EPB41: variants seen among roughly 807,000 people sequenced by gnomAD.
EPB41 encodes erythrocyte membrane protein band 4.1, also known as protein 4.1.
In EPB41, 65 loss-of-function variants were observed where a neutral mutation model predicts 108.0. That is an observed-to-expected ratio of 0.60 (90% CI 0.49 to 0.74). EPB41 has a LOEUF of 0.74. Ranked by LOEUF, EPB41 falls within the 30% of genes least tolerant of loss-of-function variation. EPB41 has a pLI of 0.00. For missense variants in EPB41, 875 were observed against 1,037.0 expected, an observed-to-expected ratio of 0.84 and a Z score of 2.15; for synonymous variants, 336 against 358.9, an observed-to-expected ratio of 0.94 and a Z score of 0.72.
At chr1:28,954,880 A>G (rs2149028786) in intron 1 of EPB41, among the ~76,000 whole-genome samples, 1 of 152,336 alleles carries the variant, frequency 6.6e-6, no homozygotes, top group African/African-American at 2.4e-5. Context: ...TTCGTGTGAT[A>G]CGAGTTATAA....
In EPB41 at chr1:28,890,684, C is replaced by T. The variant is rs563428399; in HGVS notation, c.-8+3474C>T. The stretch of plus-strand genomic sequence containing the variant: ...AGCATTCTGTTCTAAGCCTTTAATA[C>T]GCTGCATTAACTCATTCAATCCTTA... On this transcript the variant is annotated intron_variant, in intron 1 of 16. Transcript: ENST00000347529. 5.3e-5 allele frequency among the ~76,000 whole-genome samples: 8 copies of T among 152,306 alleles called. No individual in the cohort carries two copies. In the South Asian group the frequency reaches 8.3e-4, roughly 16 times the overall value.
At chr1:29,044,343 A>G (rs1218057068) in intron 11 of EPB41, among the ~76,000 whole-genome samples, 3 of 152,216 alleles carry the variant, frequency 2.0e-5, no homozygotes, top group Non-Finnish European at 4.4e-5. Flanking sequence ...TATAGATACT[A>G]TGCCTGATGT....
At chr1:29,056,819 C>T (rs554038715) in intron 12 of EPB41, among the ~76,000 whole-genome samples, 1 of 152,098 alleles carries the variant, frequency 6.6e-6, no homozygotes, top group South Asian at 2.1e-4. Flanking sequence ...AGCCACCGTA[C>T]CCGGCTGGCC....
chr1:28,915,849 G>A (rs560518961), intron 1 of EPB41, among the ~76,000 whole-genome samples: 1 of 147,956 alleles, frequency 6.8e-6, no homozygotes, highest in Non-Finnish European at 1.5e-5. Context: ...TATTATTATA[G>A]TGGATTTATA....
chr1:29,033,155 T>C lies in EPB41; in HGVS notation c.1275T>C (p.Asp425=). The change falls in exon 9 of 21, where the codon GAT becomes GAC. Residue 425 remains aspartate, a synonymous_variant. Coordinates refer to ENST00000343067, the MANE Select transcript of EPB41 (RefSeq NM_001376013.1). ...CTAGTGGCCTTCTGGTTTACAAAGA[T>C]AAGCTGAGAATTAACCGCTTCCCTT... ...VCSSGLLVYK[D]KLRINRFPWP... is the part of the protein sequence containing the mutation. The C allele has an allele frequency of 6.2e-7, 1 of 1,614,000 alleles. No individual in the cohort carries two copies. The highest frequency in any genetic ancestry group is 1.1e-5 in the South Asian group (1 of 91,068).
rs962067440 is a variant in EPB41, at chr1:29,065,123, C to A, written c.2149C>A (p.Leu717Ile). 3.1e-6 allele frequency: 5 copies of A among 1,610,528 alleles called. No individual in the cohort carries two copies. The highest frequency in any genetic ancestry group is 4.2e-6 in the Non-Finnish European group (5 of 1,177,380). Residue 717 changes from leucine to isoleucine, a missense_variant, in exon 16 of 21, where the codon CTT becomes ATT. By Grantham distance (5) the Leu-to-Ile change is conservative. Transcript: ENST00000343067. ...RLSTHSPFRT[L>I]NINGQIPTGE... Reference sequence around the variant, plus strand: ...ATCCACTCACTCACCCTTCCGAACTCTTAACATCAATGGGCAAATCCCCAC... The same window carrying A: ...ATCCACTCACTCACCCTTCCGAACTATTAACATCAATGGGCAAATCCCCAC...
intron 16 of EPB41, among the ~76,000 whole-genome samples, chr1:29,086,105 C>G (rs1573747758): frequency 6.6e-6 from 1 of 152,036 alleles, no homozygotes; most frequent in Admixed American, 6.5e-5. Context: ...CATTTCACTA[C>G]TGAAACCAGA....
chr1:29,060,533 G>A lies in EPB41; in HGVS notation c.2007+49G>A, dbSNP rs371698094. 2.0e-3 allele frequency: 3,009 copies of A among 1,511,426 alleles called. 7 individuals are homozygous for A. Among genetic ancestry groups the A allele is most frequent in the Middle Eastern group, 9.0e-3 (53 of 5,866 alleles). 93.6% of individuals were successfully genotyped at this position (1,511,426 alleles called of 1,614,324 possible). ...TTCAGTTGGTTGCCTGGAACCTTCT[G>A]CATTCTTTGCTGATCCCCTTTTCTT... On this transcript the variant is annotated intron_variant, in intron 15 of 20. Coordinates refer to ENST00000343067, the MANE Select transcript of EPB41 (RefSeq NM_001376013.1).
At chr1:29,014,342 A>G (rs1184883480) in intron 5 of EPB41, among the ~76,000 whole-genome samples, 2 of 152,100 alleles carry the variant, frequency 1.3e-5, no homozygotes, top group Non-Finnish European at 2.9e-5. Flanking sequence ...AAATAAATAA[A>G]TAAAAATTAC....
intron 1 of EPB41, among the ~76,000 whole-genome samples, chr1:28,950,228 T>C (rs1404096990): frequency 6.6e-6 from 1 of 152,196 alleles, no homozygotes; most frequent in East Asian, 1.9e-4. Context: ...ATGATAGCAT[T>C]TAATTTAATA....
chr1:28,919,865 C>CT (rs1402981873), intron 1 of EPB41, among the ~76,000 whole-genome samples: 1 of 152,102 alleles, frequency 6.6e-6, no homozygotes, highest in Non-Finnish European at 1.5e-5. Context: ...GAGCAGTTCT[C>CT]TTTTTTGCAA....
At chr1:28,916,185 G>C (rs1276211891) in intron 1 of EPB41, among the ~76,000 whole-genome samples, 2 of 152,126 alleles carry the variant, frequency 1.3e-5, no homozygotes, top group African/African-American at 4.8e-5. Context: ...TCAATAAATG[G>C]CAGATTCAAA....
intron 16 of EPB41, among the ~76,000 whole-genome samples, chr1:29,081,835 CAA>C (rs34188995): frequency 3.2e-5 from 4 of 126,360 alleles, no homozygotes; most frequent in African/African-American, 6.4e-5. Flanking sequence ...AACTCTGTCT[CAA>C]AAAAAAAAAA....
At chr1:28,979,063 A>G (rs1366618857) in intron 1 of EPB41, among the ~76,000 whole-genome samples, 1 of 151,434 alleles carries the variant, frequency 6.6e-6, no homozygotes, top group Non-Finnish European at 1.5e-5. Context: ...AACCCTGACT[A>G]ATACAGATTT....
At chr1:28,900,859 A>C (rs919125934) in intron 1 of EPB41, among the ~76,000 whole-genome samples, 2 of 152,168 alleles carry the variant, frequency 1.3e-5, no homozygotes, top group African/African-American at 4.8e-5. Context: ...ACACTTTTGT[A>C]GCTTGTTCTC....
intron 1 of EPB41, among the ~76,000 whole-genome samples, chr1:28,919,171 C>T (rs1458618772): frequency 6.6e-6 from 1 of 152,074 alleles, no homozygotes; most frequent in Non-Finnish European, 1.5e-5. Context: ...TGGGAAAATC[C>T]GATTATGATG....
chr1:28,925,833 CG>C (rs1476017438), intron 1 of EPB41, among the ~76,000 whole-genome samples: 1 of 151,964 alleles, frequency 6.6e-6, no homozygotes, highest in East Asian at 1.9e-4. Flanking sequence ...TATTTGGAGA[CG>C]GGAGTTCTTG....
In EPB41 at chr1:29,078,779, C is replaced by T. The variant is rs1373329234; in HGVS notation, c.2184+13621C>T. 4.6e-5 allele frequency among the ~76,000 whole-genome samples: 7 copies of T among 152,090 alleles called. No individual in the cohort carries two copies. In the South Asian group the frequency reaches 1.4e-3, roughly 32 times the overall value. ...ATAAATAATAAAATATGTACTGTAA[C>T]CACCACAGCACCCCGTTTCTGCCAG... On this transcript the variant is annotated intron_variant, in intron 16 of 20. Coordinates refer to ENST00000343067, the MANE Select transcript of EPB41 (RefSeq NM_001376013.1).
At chr1:28,976,785 G>A (rs1022177759) in intron 1 of EPB41, among the ~76,000 whole-genome samples, 9 of 152,056 alleles carry the variant, frequency 5.9e-5, no homozygotes, top group African/African-American at 2.2e-4. Flanking sequence ...CTGGTTCTGC[G>A]TGGAATTCCC....
Sources: allele counts gnomAD v4.1 joint callset (sites outside exome capture counted in the v4.1 genomes callset), GRCh38; gene constraint gnomAD v4.1.1; transcripts MANE v1.5; gene names NCBI Gene and HGNC (gene_info 2026-07-23, HGNC 2026-07-21).